ARMC8: variants seen among roughly 807,000 people sequenced by gnomAD.
The protein encoded by ARMC8 is armadillo repeat containing 8, also known as armadillo repeat-containing protein 8.
In ARMC8, 20 loss-of-function variants were observed where a neutral mutation model predicts 99.3. The ratio of observed to expected loss-of-function variants is 0.20; its 90% CI spans 0.14 to 0.29. The LOEUF (loss-of-function observed/expected upper bound fraction) is 0.29. ARMC8 is among the 10% of genes least tolerant of loss of function. The pLI is 1.00. For missense variants in ARMC8, 569 were observed against 809.5 expected, an observed-to-expected ratio of 0.70 and a Z score of 3.60; for synonymous variants, 263 against 278.3, an observed-to-expected ratio of 0.95 and a Z score of 0.55.
At chr3:138,276,389 G>GC (rs1423502542) in intron 18 of ARMC8, among the ~76,000 whole-genome samples, 4 of 152,148 alleles carry the variant, frequency 2.6e-5, no homozygotes, top group Non-Finnish European at 5.9e-5. Context: ...ATGTATCACT[G>GC]CCCTTAAATT....
chr3:138,231,263 C>G (rs932233148), intron 6 of ARMC8, among the ~76,000 whole-genome samples: 2 of 151,980 alleles, frequency 1.3e-5, no homozygotes, highest in Non-Finnish European at 2.9e-5. Flanking sequence ...ATATAAAACC[C>G]TTTTATTTTC....
At chr3:138,188,676 C>G (rs1559895673) in intron 1 of ARMC8, 2 of 1,048,690 alleles carry the variant, frequency 1.9e-6, no homozygotes, top group Non-Finnish European at 2.9e-6. Context: ...AGTCTTGTAA[C>G]TACAACCGGT....
chr3:138,292,083 G>A (rs2051005441), intron 21 of ARMC8, among the ~76,000 whole-genome samples: 1 of 151,892 alleles, frequency 6.6e-6, no homozygotes, highest in Admixed American at 6.6e-5. Flanking sequence ...TGTTGCCCAG[G>A]CTGGAGTGCA....
rs760582045 is a variant in ARMC8 at position 138,270,033 on chromosome 3, A to G, written c.1387-7A>G. 8 of 1,606,468 alleles carry G rather than the reference A, an allele frequency of 5.0e-6. No individual in the cohort carries two copies. The highest frequency in any genetic ancestry group is 6.0e-6 in the Non-Finnish European group (7 of 1,173,858). On this transcript the variant is annotated splice_region_variant and splice_polypyrimidine_tract_variant and intron_variant, in intron 15 of 21. Transcript: ENST00000469044. Reference sequence around the variant, plus strand: ...CTGTGATTTTTTTTTTCCCTGTCCAATGGCAGCCAATTTTGGAATCAGGAG... The same window carrying G: ...CTGTGATTTTTTTTTTCCCTGTCCAGTGGCAGCCAATTTTGGAATCAGGAG...
At chr3:138,192,480 T>C (rs2043450558) in intron 1 of ARMC8, among the ~76,000 whole-genome samples, 1 of 152,058 alleles carries the variant, frequency 6.6e-6, no homozygotes. Flanking sequence ...AGTTTCACTG[T>C]GTTAGCCAGG....
intron 1 of ARMC8, among the ~76,000 whole-genome samples, chr3:138,206,741 T>C (rs1288348995): frequency 1.3e-5 from 2 of 152,146 alleles, no homozygotes; most frequent in African/African-American, 4.8e-5. Context: ...CAAGGAGCAG[T>C]GAAATATCAG....
At chr3:138,206,909 T>C (rs2044400979) in intron 1 of ARMC8, among the ~76,000 whole-genome samples, 1 of 152,258 alleles carries the variant, frequency 6.6e-6, no homozygotes, top group African/African-American at 2.4e-5. Context: ...GCTTCTTAAA[T>C]GCAAGGCTCT....
chr3:138,224,028 G>A (rs951070273), intron 5 of ARMC8, among the ~76,000 whole-genome samples: 1 of 147,670 alleles, frequency 6.8e-6, no homozygotes, highest in African/African-American at 2.5e-5. Flanking sequence ...GCGCGATCTC[G>A]GCTCACTGCA....
At position 138,264,419 on chromosome 3, in the gene ARMC8, T is replaced by C. The variant is rs920179846; in HGVS notation, c.1299+207T>C. 4.6e-3 allele frequency among the ~76,000 whole-genome samples: 621 copies of C among 135,736 alleles called. 3 individuals are homozygous for C. Among genetic ancestry groups the C allele is most frequent in the Non-Finnish European group, 7.5e-3 (475 of 63,262 alleles). The allele number at this position is 135,736 out of a possible 152,430, so 89.0% of individuals were successfully genotyped here. ...ACAGGCCTGATTTTCTTTCTTTTTT[T>C]TTTTTTTTTTTTTTTTTTGAGATGT... On this transcript the variant is annotated intron_variant, in intron 14 of 21. Coordinates refer to ENST00000469044, the MANE Select transcript of ARMC8 (RefSeq NM_001363941.2).
At chr3:138,261,567 A>T (rs966712944) in intron 12 of ARMC8, 1 of 152,212 alleles carries the variant, frequency 6.6e-6, no homozygotes, top group African/African-American at 2.4e-5. Flanking sequence ...TTTAAGTCAC[A>T]GTATTGTTAT....
At chr3:138,230,239 T>C (rs1233107767) in intron 6 of ARMC8, among the ~76,000 whole-genome samples, 1 of 152,160 alleles carries the variant, frequency 6.6e-6, no homozygotes, top group East Asian at 1.9e-4. Flanking sequence ...TTGTTGCAAC[T>C]CACTTGCTTA....
intron 5 of ARMC8, among the ~76,000 whole-genome samples, chr3:138,223,939 C>T (rs189537252): frequency 2.0e-5 from 3 of 149,072 alleles, no homozygotes; most frequent in African/African-American, 4.9e-5. Flanking sequence ...ACCAGAGTGA[C>T]ATAACAAGAC....
At chr3:138,214,301 C>T (rs573179640) in intron 2 of ARMC8, among the ~76,000 whole-genome samples, 1 of 151,470 alleles carries the variant, frequency 6.6e-6, no homozygotes, top group East Asian at 1.9e-4. Context: ...TTGACTAGAC[C>T]TCTGGTGAAT....
intron 21 of ARMC8, among the ~76,000 whole-genome samples, chr3:138,291,506 G>A (rs989363894): frequency 9.9e-5 from 15 of 152,132 alleles, no homozygotes; most frequent in Non-Finnish European, 2.1e-4. Flanking sequence ...GAGATATAAT[G>A]GTGAATAAAA....
chr3:138,245,822 A>C, intron 12 of ARMC8: 1 of 985,936 alleles, frequency 1.0e-6, no homozygotes, highest in Non-Finnish European at 1.2e-6. Context: ...GATGAGGAGT[A>C]TAGTGGTAAG....
chr3:138,241,805 T>C lies in ARMC8; in HGVS notation c.860T>C (p.Met287Thr). 3 of 1,614,018 alleles carry C rather than the reference T, an allele frequency of 1.9e-6. No homozygotes were observed. Among genetic ancestry groups the C allele is most frequent in the Non-Finnish European group, 2.5e-6 (3 of 1,179,968 alleles). Reference protein sequence around the residue: ...VLKTLPCLVRMCSKERLLEER... With the variant: ...VLKTLPCLVRTCSKERLLEER... ...CAGACATTACCTTGTTTGGTTCGAATGTGCAGTAAGGAGAGATTACTAGAG... is the reference window on the plus strand; with the variant it reads ...CAGACATTACCTTGTTTGGTTCGAACGTGCAGTAAGGAGAGATTACTAGAG... Residue 287 changes from methionine to threonine, a missense_variant, in exon 11 of 22, where the codon ATG becomes ACG. Physicochemically the swap from Met to Thr is moderately conservative, Grantham distance 81. Transcript: ENST00000469044.
intron 20 of ARMC8, 128 bp downstream of exon 20, chr3:138,289,248 C>G: frequency 2.9e-6 from 2 of 687,224 alleles, no homozygotes; most frequent in Non-Finnish European, 5.0e-6. Context: ...CAAGCACCCT[C>G]TAGAGTTGCC....
intron 18 of ARMC8, 133 bp downstream of exon 18, chr3:138,274,677 A>T: frequency 1.5e-6 from 1 of 652,180 alleles, no homozygotes. Flanking sequence ...AATAGGAAGA[A>T]ATATCTTCCA....
chr3:138,199,956 A>G (rs2043955137), intron 1 of ARMC8, among the ~76,000 whole-genome samples: 1 of 152,166 alleles, frequency 6.6e-6, no homozygotes. Flanking sequence ...ACATTGTTTT[A>G]GGGATAGAAG....
Sources: allele counts gnomAD v4.1 joint callset (sites outside exome capture counted in the v4.1 genomes callset), GRCh38; gene constraint gnomAD v4.1.1; transcripts MANE v1.5; gene names NCBI Gene and HGNC (gene_info 2026-07-23, HGNC 2026-07-21).